PLPPR5: variants seen among roughly 807,000 people sequenced by gnomAD.
PLPPR5 encodes the protein phospholipid phosphatase related 5, also known as phospholipid phosphatase-related protein type 5.
In PLPPR5, 16 loss-of-function variants were observed where a neutral mutation model predicts 33.9. The observed-to-expected ratio is 0.47, with a 90% confidence interval of 0.32 to 0.72. PLPPR5 has a LOEUF of 0.72. Ranked by LOEUF, PLPPR5 falls within the 30% of genes least tolerant of loss-of-function variation. The pLI, the probability that PLPPR5 is intolerant of heterozygous loss-of-function variation, is 0.03. For missense variants in PLPPR5, 301 were observed against 406.7 expected, an observed-to-expected ratio of 0.74 and a Z score of 2.23; for synonymous variants, 163 against 150.3, an observed-to-expected ratio of 1.08 and a Z score of -0.62.
intron 1 of PLPPR5, among the ~76,000 whole-genome samples, chr1:99,001,360 C>T (rs1652834759): frequency 6.6e-6 from 1 of 151,662 alleles, no homozygotes; most frequent in South Asian, 2.1e-4. Context: ...TGGTCTTGAT[C>T]TCCTGACCTT....
intron 1 of PLPPR5, among the ~76,000 whole-genome samples, chr1:98,975,921 C>T (rs1314668558): frequency 6.6e-6 from 1 of 151,782 alleles, no homozygotes; most frequent in Non-Finnish European, 1.5e-5. Flanking sequence ...ATTATTGGAT[C>T]CCACGCCTAG....
intron 5 of PLPPR5, among the ~76,000 whole-genome samples, chr1:98,914,430 G>A (rs1049769627): frequency 1.3e-5 from 2 of 152,042 alleles, no homozygotes; most frequent in Non-Finnish European, 2.9e-5. Flanking sequence ...GACTACAGGT[G>A]CATGCCACCA....
intron 1 of PLPPR5, among the ~76,000 whole-genome samples, chr1:99,001,180 G>A (rs905247171): frequency 4.8e-4 from 72 of 149,306 alleles, no homozygotes; most frequent in Non-Finnish European, 8.1e-4. Flanking sequence ...TGTCACCCAG[G>A]CTGGAGTGCA....
At position 98,953,171 on chromosome 1, in the gene PLPPR5, C is replaced by G; in HGVS notation, c.520G>C (p.Glu174Gln). Residue 174 changes from glutamate to glutamine, a missense_variant, in exon 3 of 6, where the codon GAA (glutamate) becomes CAA (glutamine). Coordinates refer to ENST00000263177, the MANE Select transcript of PLPPR5 (RefSeq NM_001037317.2). The stretch of plus-strand genomic sequence containing the variant: ...TCTGGGTTGCCAGTACAGGCCTCTT[C>G]CCCACTGATGAATTGTGTATACTGC... The part of the protein sequence containing the change: ...CQQYTQFISG[E>Q]EACTGNPDLI... The G allele has an allele frequency of 1.2e-6, 2 of 1,614,034 alleles. No individual in the cohort carries two copies. The highest frequency in any genetic ancestry group is 2.2e-5 in the South Asian group (2 of 91,080).
At chr1:98,903,016 C>A (rs1648752055) in intron 5 of PLPPR5, among the ~76,000 whole-genome samples, 2 of 151,926 alleles carry the variant, frequency 1.3e-5, no homozygotes, top group Non-Finnish European at 2.9e-5. Context: ...TACTGGAGTA[C>A]AAATAGGAAA....
chr1:98,965,182 C>T (rs979214860), intron 1 of PLPPR5, among the ~76,000 whole-genome samples: 1 of 152,018 alleles, frequency 6.6e-6, no homozygotes, highest in African/African-American at 2.4e-5. Flanking sequence ...CAGTCCCCTC[C>T]CTATTGCAAT....
chr1:98,904,326 A>G (rs1040956852), intron 5 of PLPPR5, among the ~76,000 whole-genome samples: 4 of 148,476 alleles, frequency 2.7e-5, no homozygotes, highest in African/African-American at 1.0e-4. Context: ...GAGCACATCA[A>G]CCTAAGAAAA....
intron 5 of PLPPR5, among the ~76,000 whole-genome samples, chr1:98,906,070 T>C (rs1032538866): frequency 2.6e-5 from 4 of 151,918 alleles, no homozygotes; most frequent in Non-Finnish European, 5.9e-5. Context: ...GTGTTAGTTT[T>C]CACTAGGTAA....
chr1:98,942,698 A>T (rs1373996278), intron 3 of PLPPR5, among the ~76,000 whole-genome samples: 1 of 152,176 alleles, frequency 6.6e-6, no homozygotes, highest in East Asian at 1.9e-4. Context: ...TTGTCTTGGC[A>T]AATGGGTAGA....
intron 3 of PLPPR5, among the ~76,000 whole-genome samples, chr1:98,928,570 T>TATATATATATATATATA (rs1205843679): frequency 7.0e-6 from 1 of 143,148 alleles, no homozygotes; most frequent in Non-Finnish European, 1.5e-5. Context: ...TATATATATA[T>TATATATATATATATATA]ATGGTTCACT....
chr1:98,976,335 C>T (rs968158457), intron 1 of PLPPR5, among the ~76,000 whole-genome samples: 3 of 151,934 alleles, frequency 2.0e-5, no homozygotes, highest in African/African-American at 7.2e-5. Flanking sequence ...TATGTCCTAA[C>T]ATTGATGAAA....
At chr1:98,940,028 C>A in intron 3 of PLPPR5, among the ~76,000 whole-genome samples, 1 of 151,780 alleles carries the variant, frequency 6.6e-6, no homozygotes, top group South Asian at 2.1e-4. Flanking sequence ...CTAGTGTAAA[C>A]GAGTGGAATA....
intron 3 of PLPPR5, among the ~76,000 whole-genome samples, chr1:98,925,985 T>C (rs1282155612): frequency 6.6e-6 from 1 of 152,258 alleles, no homozygotes; most frequent in Non-Finnish European, 1.5e-5. Flanking sequence ...AGGCTATTCA[T>C]TGTGGCCTAG....
At chr1:98,981,227 T>C (rs1652053718) in intron 1 of PLPPR5, among the ~76,000 whole-genome samples, 1 of 152,090 alleles carries the variant, frequency 6.6e-6, no homozygotes, top group Non-Finnish European at 1.5e-5. Flanking sequence ...GATGTTAAAT[T>C]GTGTATTACA....
intron 3 of PLPPR5, among the ~76,000 whole-genome samples, chr1:98,934,535 T>A (rs1186488626): frequency 6.6e-6 from 1 of 152,184 alleles, no homozygotes; most frequent in Admixed American, 6.5e-5. Context: ...ATGTCCTGGA[T>A]AATGAGCTTG....
chr1:98,909,434 T>C (rs1047146836), intron 5 of PLPPR5, among the ~76,000 whole-genome samples: 1 of 151,870 alleles, frequency 6.6e-6, no homozygotes, highest in Non-Finnish European at 1.5e-5. Context: ...TTAATATACA[T>C]ATAAAGTCTT....
intron 1 of PLPPR5, among the ~76,000 whole-genome samples, chr1:98,979,779 T>C (rs1018671134): frequency 2.6e-5 from 4 of 152,040 alleles, no homozygotes; most frequent in African/African-American, 9.7e-5. Flanking sequence ...CTTTTCCCTC[T>C]CTTGACTTTG....
At chr1:99,002,417 T>C (rs767347814) in intron 1 of PLPPR5, among the ~76,000 whole-genome samples, 3 of 152,220 alleles carry the variant, frequency 2.0e-5, no homozygotes, top group Admixed American at 1.3e-4. Flanking sequence ...GTAAGTCGCA[T>C]GGCATTCAGG....
At chr1:98,937,831 G>C (rs1650229436) in intron 3 of PLPPR5, among the ~76,000 whole-genome samples, 1 of 152,152 alleles carries the variant, frequency 6.6e-6, no homozygotes, top group Non-Finnish European at 1.5e-5. Context: ...GCTTGTTAAG[G>C]AGCAATAGTA....
Sources: gnomAD v4.1 joint callset for allele counts (sites outside exome capture counted in the v4.1 genomes callset) on GRCh38, gnomAD v4.1.1 for gene constraint, MANE v1.5 for transcripts, NCBI Gene and HGNC (gene_info 2026-07-23, HGNC 2026-07-21) for gene names.